Variants in TRAPPC9 observed in about 807,000 individuals in gnomAD.
The protein encoded by TRAPPC9 is IKK2 binding protein.
A neutral mutation model predicts 124.0 loss-of-function variants in TRAPPC9; 83 were observed. The observed-to-expected ratio is 0.67, with a 90% CI of 0.56 to 0.80. TRAPPC9 has a LOEUF of 0.80. Among genes scored for constraint, TRAPPC9 ranks in the 30% least tolerant of loss-of-function variants. The probability of loss-of-function intolerance (pLI) is 0.00; values close to 1 mark genes in which losing one functional copy is unlikely to be tolerated. For synonymous variants in TRAPPC9, 638 were observed against 617.5 expected (o/e 1.03, Z -0.49); for missense variants, 1,302 against 1,508.3 (o/e 0.86, Z 2.27).
chr8:140,220,050 A>T (rs1327073557), intron 17 of TRAPPC9, among the ~76,000 whole-genome samples: 1 of 152,194 alleles, frequency 6.6e-6, no homozygotes, highest in Admixed American at 6.5e-5. Context: ...GCAAGCAGTA[A>T]AAACAGGAAG....
At chr8:139,757,563 CG>C (rs1819935679) in intron 21 of TRAPPC9, among the ~76,000 whole-genome samples, 1 of 151,806 alleles carries the variant, frequency 6.6e-6, no homozygotes, top group Non-Finnish European at 1.5e-5. Context: ...AGCCAGGGGG[CG>C]TGGGTATTAG....
At chr8:140,282,372 G>A (rs765289480) in intron 14 of TRAPPC9, among the ~76,000 whole-genome samples, 2 of 152,002 alleles carry the variant, frequency 1.3e-5, no homozygotes, top group Admixed American at 6.6e-5. Flanking sequence ...GCGTGGTGGC[G>A]GGTACCTATA....
At chr8:140,366,052 T>A (rs2068098442) in intron 8 of TRAPPC9, among the ~76,000 whole-genome samples, 1 of 152,222 alleles carries the variant, frequency 6.6e-6, no homozygotes, top group Non-Finnish European at 1.5e-5. Flanking sequence ...AGTAGTTTGG[T>A]ATGAATAATC....
intron 19 of TRAPPC9, among the ~76,000 whole-genome samples, chr8:139,980,811 C>G (rs1329000793): frequency 2.0e-5 from 3 of 152,108 alleles, no homozygotes; most frequent in East Asian, 3.9e-4. Flanking sequence ...ACAGGGTGGG[C>G]GTGGGAGGAG....
intron 17 of TRAPPC9, among the ~76,000 whole-genome samples, chr8:140,121,903 G>A (rs748242934): frequency 1.3e-5 from 2 of 152,022 alleles, no homozygotes; most frequent in Admixed American, 6.5e-5. Context: ...TGAGGGTGTG[G>A]GTGGGTCCTG....
chr8:139,865,438 TTCATAGAGGGGGTGAAACAGACACAGA>T (rs1458590722), intron 21 of TRAPPC9, among the ~76,000 whole-genome samples: 3 of 152,092 alleles, frequency 2.0e-5, no homozygotes, highest in Admixed American at 6.5e-5. Context: ...GTGTTGTGAG[TTCATAGAGGGGGTGAAACAGACACAGA>T]TCATCAAAGG....
Position 140,349,006 on chromosome 8 carries a change from A to G in TRAPPC9, c.1495+11044T>C, listed in dbSNP as rs1181423890. On this transcript the variant is annotated intron_variant, in intron 9 of 22. Transcript: ENST00000438773. ...TGACAGACAGAAAAAGAGGACAGGA[A>G]ATGACTCCTGCTTTGGAAACTGGTG... Among the ~76,000 whole-genome samples, 3 of 149,972 alleles carry G rather than the reference A, an allele frequency of 2.0e-5. No individual in the cohort carries two copies. The East Asian group carries it at 6.0e-4, about 30-fold the overall frequency.
At chr8:139,988,593 A>G (rs1837411169) in intron 19 of TRAPPC9, 133 bp downstream of exon 19, 2 of 686,992 alleles carry the variant, frequency 2.9e-6, no homozygotes, top group Admixed American at 2.1e-5. Context: ...AATAGTCACT[A>G]CGGTATCTCT....
chr8:140,176,939 A>G (rs2062084040), intron 17 of TRAPPC9, among the ~76,000 whole-genome samples: 1 of 152,146 alleles, frequency 6.6e-6, no homozygotes, highest in Non-Finnish European at 1.5e-5. Flanking sequence ...TTTGCCATGC[A>G]CGTATCTTCT....
chr8:140,436,937 A>T (rs968366481), intron 3 of TRAPPC9, among the ~76,000 whole-genome samples: 1 of 152,078 alleles, frequency 6.6e-6, no homozygotes, highest in African/African-American at 2.4e-5. Flanking sequence ...CCTCTTTAAA[A>T]AACTAAATTT....
intron 21 of TRAPPC9, among the ~76,000 whole-genome samples, chr8:139,819,982 T>C (rs1185118518): frequency 2.7e-5 from 3 of 111,504 alleles, no homozygotes; most frequent in African/African-American, 7.2e-5. Flanking sequence ...CACTCCAGCC[T>C]GGGCGACAGA....
intron 19 of TRAPPC9, among the ~76,000 whole-genome samples, chr8:139,943,597 G>A (rs941314513): frequency 4.6e-5 from 7 of 152,078 alleles, no homozygotes; most frequent in South Asian, 4.1e-4. Context: ...GAATACAGAC[G>A]TTGCAATTAG....
At chr8:139,920,311 A>T (rs1325188876) in intron 19 of TRAPPC9, among the ~76,000 whole-genome samples, 2 of 152,248 alleles carry the variant, frequency 1.3e-5, no homozygotes, top group Non-Finnish European at 1.5e-5. Flanking sequence ...GTGCCACTGC[A>T]CTCCAGCCTG....
intron 7 of TRAPPC9, among the ~76,000 whole-genome samples, chr8:140,381,482 A>G (rs112365226): frequency 0.032 from 4,904 of 152,028 alleles, 258 homozygotes; most frequent in African/African-American, 0.11. Context: ...CTTGGCCAAC[A>G]TGGTGAAACC....
intron 19 of TRAPPC9, among the ~76,000 whole-genome samples, chr8:139,948,335 G>A (rs918573497): frequency 9.9e-5 from 15 of 151,034 alleles, no homozygotes; most frequent in African/African-American, 2.2e-4. Flanking sequence ...CATGACCCCT[G>A]CCCTGGTGTT....
chr8:140,446,867 C>T (rs13282424), intron 2 of TRAPPC9, among the ~76,000 whole-genome samples: 84,683 of 151,930 alleles, frequency 0.56, 23,778 homozygotes, highest in Non-Finnish European at 0.57. Flanking sequence ...GTCTCCTTTA[C>T]GGTGGAAAGT....
chr8:140,127,104 C>T (rs2061113268), intron 17 of TRAPPC9, among the ~76,000 whole-genome samples: 1 of 152,178 alleles, frequency 6.6e-6, no homozygotes, highest in African/African-American at 2.4e-5. Context: ...ACCCTCCTCT[C>T]AATGGGCTCT....
intron 15 of TRAPPC9, among the ~76,000 whole-genome samples, chr8:140,254,113 G>C (rs1199082903): frequency 6.6e-6 from 1 of 152,184 alleles, no homozygotes; most frequent in East Asian, 1.9e-4. Context: ...CCCAGGCACA[G>C]TATGATATGC....
At chr8:139,952,469 T>C (rs568160631) in intron 19 of TRAPPC9, among the ~76,000 whole-genome samples, 11 of 152,152 alleles carry the variant, frequency 7.2e-5, no homozygotes, top group Non-Finnish European at 1.2e-4. Flanking sequence ...TAAAGTAGAA[T>C]GCACCAAACA....
Sources: gnomAD v4.1 joint callset for allele counts (sites outside exome capture counted in the v4.1 genomes callset) on GRCh38, gnomAD v4.1.1 for gene constraint, MANE v1.5 for transcripts, NCBI Gene and HGNC (gene_info 2026-07-23, HGNC 2026-07-21) for gene names.